MCTP1: variants seen among roughly 807,000 people sequenced by gnomAD.
MCTP1 encodes the protein multiple C2 and transmembrane domain containing 1.
Under a neutral mutation model 120.6 loss-of-function variants are expected in MCTP1, and 69 were observed. That is an observed-to-expected ratio of 0.57 (90% CI 0.47 to 0.70). MCTP1 has a LOEUF of 0.70. Among genes scored for constraint, MCTP1 ranks in the 30% least tolerant of loss-of-function variants. The pLI, the probability that MCTP1 is intolerant of heterozygous loss-of-function variation, is 0.00. For missense variants in MCTP1, 1,203 were observed against 1,248.8 expected (o/e 0.96, Z 0.55); for synonymous variants, 529 against 493.1 (o/e 1.07, Z -0.96).
chr5:95,160,747 A>C (rs1745635826), intron 1 of MCTP1, among the ~76,000 whole-genome samples: 1 of 152,166 alleles, frequency 6.6e-6, no homozygotes. Flanking sequence ...AACTCAAATA[A>C]CTCAATAGCA....
intron 1 of MCTP1, among the ~76,000 whole-genome samples, chr5:95,130,399 T>C (rs1384792562): frequency 6.6e-6 from 1 of 151,914 alleles, no homozygotes; most frequent in Non-Finnish European, 1.5e-5. Flanking sequence ...AAATGGGGAG[T>C]GAGAGAGACA....
At chr5:95,022,762 A>G (rs1220134004) in intron 1 of MCTP1, among the ~76,000 whole-genome samples, 1 of 152,178 alleles carries the variant, frequency 6.6e-6, no homozygotes, top group Non-Finnish European at 1.5e-5. Context: ...TTCTCAATAC[A>G]GTGCTCTAGG....
chr5:95,137,614 AC>A (rs1416784826), intron 1 of MCTP1, among the ~76,000 whole-genome samples: 7 of 152,148 alleles, frequency 4.6e-5, no homozygotes, highest in African/African-American at 1.7e-4. Flanking sequence ...ACAAAATTTC[AC>A]CTCAACTGTG....
intron 19 of MCTP1, among the ~76,000 whole-genome samples, chr5:94,727,172 A>T (rs548800276): frequency 6.6e-6 from 1 of 152,236 alleles, no homozygotes; most frequent in African/African-American, 2.4e-5. Context: ...GCTAGCATAG[A>T]CAAAACAGCA....
intron 1 of MCTP1, among the ~76,000 whole-genome samples, chr5:95,030,792 C>T (rs921625231): frequency 6.6e-6 from 1 of 152,124 alleles, no homozygotes; most frequent in African/African-American, 2.4e-5. Context: ...GGACTACTCT[C>T]ACTCTCTAGC....
Position 94,871,351 on chromosome 5 carries a change from A to G in MCTP1, c.2103T>C (p.Ala701=). The G allele has an allele frequency of 6.2e-7, 1 of 1,612,540 alleles. No individual in the cohort carries two copies. Among genetic ancestry groups the G allele is most frequent in the South Asian group, 1.1e-5 (1 of 91,038 alleles). The part of the protein sequence containing the change: ...TVYDEDRDRS[A]DFLGKVAIPL... Reference sequence around the variant, plus strand: ...GTATAGCAACTTTGCCCAGAAAGTCAGCACTTCGATCCCGATCTTCATCAT... The same window carrying G: ...GTATAGCAACTTTGCCCAGAAAGTCGGCACTTCGATCCCGATCTTCATCAT... Residue 701 remains alanine (A), a synonymous_variant, in exon 14 of 23, where the codon GCT becomes GCC. Transcript: ENST00000515393.
chr5:95,099,441 C>A (rs1470749463), intron 1 of MCTP1, among the ~76,000 whole-genome samples: 1 of 151,886 alleles, frequency 6.6e-6, no homozygotes, highest in African/African-American at 2.4e-5. Context: ...AAACAAACAA[C>A]CCCATCAAAA....
At chr5:94,783,629 G>A (rs1186099928) in intron 18 of MCTP1, among the ~76,000 whole-genome samples, 1 of 152,050 alleles carries the variant, frequency 6.6e-6, no homozygotes, top group Non-Finnish European at 1.5e-5. Context: ...GTGGGTTCAG[G>A]TAGACTTCAT....
chr5:95,220,490 T>A (rs1315108732), intron 1 of MCTP1, among the ~76,000 whole-genome samples: 2 of 152,226 alleles, frequency 1.3e-5, no homozygotes, highest in Non-Finnish European at 2.9e-5. Flanking sequence ...TTTCTCCTTC[T>A]TCCTCTAATT....
intron 18 of MCTP1, among the ~76,000 whole-genome samples, chr5:94,791,149 A>C (rs1044962782): frequency 2.6e-5 from 4 of 151,318 alleles, no homozygotes; most frequent in African/African-American, 9.7e-5. Context: ...AAATACAAAA[A>C]TTAGCCGGGT....
At chr5:95,173,279 A>G (rs749970074) in intron 1 of MCTP1, among the ~76,000 whole-genome samples, 3 of 152,216 alleles carry the variant, frequency 2.0e-5, no homozygotes, top group African/African-American at 4.8e-5. Flanking sequence ...TAGAGTTACT[A>G]CTTGATTCCT....
chr5:94,725,490 C>G (rs574976742), intron 19 of MCTP1, among the ~76,000 whole-genome samples: 1 of 152,282 alleles, frequency 6.6e-6, no homozygotes, highest in Non-Finnish European at 1.5e-5. Flanking sequence ...TAAATCTCAA[C>G]TTCTAATGAA....
intron 21 of MCTP1, 72 bp from the exon 22 acceptor site, chr5:94,708,681 G>A: frequency 1.1e-6 from 1 of 941,564 alleles, no homozygotes; most frequent in Non-Finnish European, 1.7e-6. Context: ...GATCTAACTT[G>A]TATGCCTTGA....
intron 1 of MCTP1, among the ~76,000 whole-genome samples, chr5:95,060,940 CAAA>C (rs34418928): frequency 4.3e-5 from 5 of 116,996 alleles, no homozygotes; most frequent in Admixed American, 9.1e-5. Context: ...TGCCACTCCA[CAAA>C]AAAAAAAAAA....
At chr5:94,863,835 T>A (rs63598762) in intron 17 of MCTP1, among the ~76,000 whole-genome samples, 21 of 143,742 alleles carry the variant, frequency 1.5e-4, no homozygotes, top group Middle Eastern at 7.4e-3. Flanking sequence ...TTTTTTTTTT[T>A]AATCATTTGG....
At chr5:95,274,357 C>T (rs1582712762) in intron 1 of MCTP1, among the ~76,000 whole-genome samples, 3 of 152,212 alleles carry the variant, frequency 2.0e-5, no homozygotes, top group Admixed American at 1.3e-4. Context: ...CCTGCATCCA[C>T]GTCCACACTG....
intron 10 of MCTP1, among the ~76,000 whole-genome samples, chr5:94,897,137 A>G (rs1804222592): frequency 6.6e-6 from 1 of 151,748 alleles, no homozygotes; most frequent in African/African-American, 2.4e-5. Context: ...ATCATGGCTC[A>G]CTGCAGCATT....
intron 1 of MCTP1, among the ~76,000 whole-genome samples, chr5:95,151,464 G>A (rs1043311771): frequency 9.9e-5 from 15 of 152,054 alleles, no homozygotes; most frequent in Non-Finnish European, 1.6e-4. Context: ...GAAAATCCAT[G>A]TATAAGTGGA....
intron 1 of MCTP1, among the ~76,000 whole-genome samples, chr5:95,106,129 A>G (rs181302033): frequency 2.8e-4 from 42 of 152,304 alleles, no homozygotes; most frequent in Non-Finnish European, 4.7e-4. Context: ...TTTCTGGGGA[A>G]CCATCACACC....
Sources: allele counts gnomAD v4.1 joint callset (sites outside exome capture counted in the v4.1 genomes callset), GRCh38; gene constraint gnomAD v4.1.1; transcripts MANE v1.5; gene names NCBI Gene and HGNC (gene_info 2026-07-23, HGNC 2026-07-21).